The following IGSF3 variants were observed in gnomAD, a reference collection of about 807,000 sequenced individuals.
IGSF3 encodes immunoglobulin superfamily member 3, also known as glu-Trp-Ile EWI motif-containing protein 3.
Under a neutral mutation model 114.4 loss-of-function variants are expected in IGSF3, and 23 were observed. That is an observed-to-expected ratio of 0.20 (90% confidence interval 0.14 to 0.28). The LOEUF (loss-of-function observed/expected upper bound fraction) is 0.28, where lower values mean the gene tolerates loss of function less well. Among genes scored for constraint, IGSF3 ranks in the 10% least tolerant of loss-of-function variants. The pLI, the probability that IGSF3 is intolerant of heterozygous loss-of-function variation, is 1.00. For synonymous variants in IGSF3, 571 were observed against 645.2 expected (o/e 0.88, Z 1.74); for missense variants, 1,172 against 1,591.5 (o/e 0.74, Z 4.48).
At chr1:116,626,730 T>C (rs1647305046) in intron 2 of IGSF3, among the ~76,000 whole-genome samples, 1 of 152,132 alleles carries the variant, frequency 6.6e-6, no homozygotes, top group Non-Finnish European at 1.5e-5. Context: ...CTATCGCTCA[T>C]TTCTTTGACT....
At position 116,657,889 on chromosome 1, in the gene IGSF3, A is replaced by C. The variant is rs1648931200; in HGVS notation, c.43+8395T>G. On this transcript the variant is annotated intron_variant, in intron 2 of 10. Coordinates refer to ENST00000369486, the MANE Select transcript of IGSF3 (RefSeq NM_001007237.3). The surrounding 1 kb of genome is among the most constrained non-coding windows in gnomAD (Gnocchi z 4.2). ...CAAACTGCACTACATCAAAGAAAGA[A>C]CACACAACTGGTATCAGATTTTTTT... Among the ~76,000 whole-genome samples, 1 of 152,194 alleles carries C rather than the reference A, an allele frequency of 6.6e-6. No individual in the cohort carries two copies. The highest frequency in any genetic ancestry group is 2.1e-4 in the South Asian group (1 of 4,820).
In IGSF3 at chr1:116,588,212, G is replaced by A. The variant is rs1659935750; in HGVS notation, c.2440+482C>T. Among the ~76,000 whole-genome samples the A allele has an allele frequency of 2.0e-5, 3 of 152,138 alleles. No individual in the cohort carries two copies. Among genetic ancestry groups the A allele is most frequent in the Non-Finnish European group, 4.4e-5 (3 of 68,032 alleles). ...ATGGGATCAAGGAAGGGCCAGAGGA[G>A]GAATGATTCAGTTTGGAGATAGGAA... On this transcript the variant is annotated intron_variant, in intron 8 of 10. Coordinates refer to ENST00000369486, the MANE Select transcript of IGSF3 (RefSeq NM_001007237.3). This position sits in a 1 kb window ranked among gnomAD's most constrained non-coding sequence, Gnocchi z 4.9.
At chr1:116,658,380 TACAGAA>T (rs1454553965) in intron 2 of IGSF3, among the ~76,000 whole-genome samples, 1 of 152,050 alleles carries the variant, frequency 6.6e-6, no homozygotes, top group Non-Finnish European at 1.5e-5. Flanking sequence ...CTTGCTTTGG[TACAGAA>T]ACAGGCCCCC....
At position 116,598,535 on chromosome 1, in the gene IGSF3, G is replaced by A. The variant is rs1354038367; in HGVS notation, c.2029+1406C>T. On this transcript the variant is annotated intron_variant, in intron 7 of 10. Transcript: ENST00000369486. This position sits in a 1 kb window ranked among gnomAD's most constrained non-coding sequence, Gnocchi z 4.3. ...ACAGAACTCTGTTATGGGGTTAGAA[G>A]AGGTGAAGGAGAAACCCAAAGGTTA... 6.6e-6 allele frequency among the ~76,000 whole-genome samples: 1 copy of A among 152,212 alleles called. No individual in the cohort carries two copies. The highest frequency in any genetic ancestry group is 2.4e-5 in the African/African-American group (1 of 41,446).
Position 116,579,913 on chromosome 1 carries a change from G to T in IGSF3, c.2849-36C>A. 1 of 1,538,640 alleles carries T rather than the reference G, an allele frequency of 6.5e-7. No individual in the cohort carries two copies. The highest frequency in any genetic ancestry group is 8.7e-7 in the Non-Finnish European group (1 of 1,147,750). Reference sequence around the variant, plus strand: ...ACAAGGGACAAACAGGGAAGGGGTTGTTTAAATTTATTTGCTCAAAATAAA... The same window carrying T: ...ACAAGGGACAAACAGGGAAGGGGTTTTTTAAATTTATTTGCTCAAAATAAA... On this transcript the variant is annotated intron_variant, in intron 9 of 10. Transcript: ENST00000369486. The surrounding 1 kb of genome is among the most constrained non-coding windows in gnomAD (Gnocchi z 6.4).
intron 2 of IGSF3, among the ~76,000 whole-genome samples, chr1:116,630,232 T>C (rs1273623575): frequency 6.6e-6 from 1 of 152,156 alleles, no homozygotes; most frequent in Non-Finnish European, 1.5e-5. Context: ...GTTAAGGGGC[T>C]CTCCAGGCAC....
In IGSF3 at chr1:116,610,961, T is replaced by C. The variant is rs1009503913; in HGVS notation, c.833-2630A>G. On this transcript the variant is annotated intron_variant, in intron 4 of 10. Coordinates refer to ENST00000369486, the MANE Select transcript of IGSF3 (RefSeq NM_001007237.3). The surrounding 1 kb of genome is among the most constrained non-coding windows in gnomAD (Gnocchi z 4.3). ...AAAGTCCCGCATGTCCTCATTATTG[T>C]TCCTTCCCTCCCACAGTTCAAGGAA... Among the ~76,000 whole-genome samples, 1 of 152,198 alleles carries C rather than the reference T, an allele frequency of 6.6e-6. No individual in the cohort carries two copies. Among genetic ancestry groups the C allele is most frequent in the African/African-American group, 2.4e-5 (1 of 41,454 alleles).
At position 116,608,086 on chromosome 1, in the gene IGSF3, C is replaced by G. The variant is rs1249735844; in HGVS notation, c.1078G>C (p.Val360Leu). The G allele has an allele frequency of 6.2e-7, 1 of 1,613,838 alleles. No individual in the cohort carries two copies. The highest frequency in any genetic ancestry group is 8.5e-7 in the Non-Finnish European group (1 of 1,179,880). Reference sequence around the variant, plus strand: ...TGGCGGAGGTGGTAGATCTTCAGCACAAAGACACTGTCGCTCTCTTTGGCC... The same window carrying G: ...TGGCGGAGGTGGTAGATCTTCAGCAGAAAGACACTGTCGCTCTCTTTGGCC... ...KVAKESDSVF[V>L]LKIYHLRQED... Residue 360 changes from valine to leucine, a missense_variant, in exon 5 of 11, where the codon GTG becomes CTG. Val to Leu is a conservative substitution (Grantham distance 32, BLOSUM62 1). Coordinates refer to ENST00000369486, the MANE Select transcript of IGSF3 (RefSeq NM_001007237.3).
At chr1:116,656,415 C>A (rs758537078) in intron 2 of IGSF3, among the ~76,000 whole-genome samples, 1 of 148,944 alleles carries the variant, frequency 6.7e-6, no homozygotes, top group Non-Finnish European at 1.5e-5. Context: ...ATTCTCCTGC[C>A]TCCGCCTCCC....
intron 2 of IGSF3, among the ~76,000 whole-genome samples, chr1:116,622,571 T>C (rs186529049): frequency 1.2e-4 from 18 of 152,322 alleles, no homozygotes; most frequent in African/African-American, 3.8e-4. Flanking sequence ...TCCTCTCCTA[T>C]TTTTCTCAAT....
At chr1:116,645,547 T>G (rs1027290335) in intron 2 of IGSF3, among the ~76,000 whole-genome samples, 1 of 152,232 alleles carries the variant, frequency 6.6e-6, no homozygotes, top group African/African-American at 2.4e-5. Flanking sequence ...CTAGGTTCCT[T>G]TTCCTTATCT....
rs1466001552 is a variant in IGSF3, at chr1:116,577,973, ATT to A, written c.3335-413_3335-412del. Among the ~76,000 whole-genome samples, 1 of 152,132 alleles carries A rather than the reference ATT, an allele frequency of 6.6e-6. No homozygotes were observed. Among genetic ancestry groups the A allele is most frequent in the African/African-American group, 2.4e-5 (1 of 41,418 alleles). On this transcript the variant is annotated intron_variant, in intron 10 of 10. Coordinates refer to ENST00000369486, the MANE Select transcript of IGSF3 (RefSeq NM_001007237.3). The surrounding 1 kb of genome is among the most constrained non-coding windows in gnomAD (Gnocchi z 5.7). ...TCTGCTACAGACTTCCTTCTCTGGG[ATT>A]ATGACACAATCCCTTCCTGCCAGCT...
Position 116,593,598 on chromosome 1 carries a change from C to T in IGSF3, c.2030-4494G>A, listed in dbSNP as rs1660214053. Among the ~76,000 whole-genome samples, 1 of 152,192 alleles carries T rather than the reference C, an allele frequency of 6.6e-6. No homozygotes were observed. The highest frequency in any genetic ancestry group is 1.5e-5 in the Non-Finnish European group (1 of 68,038). ...TACCCCTGAGTCCCTCTGTCCTTAA[C>T]ACCCCTTGGCTCCCTGCTCTCTCCA... On this transcript the variant is annotated intron_variant, in intron 7 of 10. Coordinates refer to ENST00000369486, the MANE Select transcript of IGSF3 (RefSeq NM_001007237.3). The surrounding 1 kb of genome is among the most constrained non-coding windows in gnomAD (Gnocchi z 4.5).
chr1:116,619,322 G>A (rs1335307669), intron 2 of IGSF3, among the ~76,000 whole-genome samples: 5 of 152,230 alleles, frequency 3.3e-5, no homozygotes, highest in East Asian at 1.9e-4. Flanking sequence ...CTCGGCCAGC[G>A]GATCATGCAC....
At chr1:116,631,317 C>CAAAA (rs939848949) in intron 2 of IGSF3, among the ~76,000 whole-genome samples, 2 of 46,084 alleles carry the variant, frequency 4.3e-5, no homozygotes, top group African/African-American at 6.4e-5. Flanking sequence ...GACGCTGTCT[C>CAAAA]AAAAAAAAAA....
rs185132003 is a variant in IGSF3 at position 116,621,131 on chromosome 1, C to A, written c.44-4674G>T. On this transcript the variant is annotated intron_variant, in intron 2 of 10. Coordinates refer to ENST00000369486, the MANE Select transcript of IGSF3 (RefSeq NM_001007237.3). The stretch of plus-strand genomic sequence containing the variant: ...GTTTAAAAGTGTGTGGCACCTCCCC[C>A]CTCTCTCTCTTGCTCCTGCTTTGGC... 4.9e-4 allele frequency among the ~76,000 whole-genome samples: 74 copies of A among 152,084 alleles called. 1 individual carries two copies. Among genetic ancestry groups the A allele is most frequent in the African/African-American group, 1.7e-3 (69 of 41,488 alleles).
At position 116,608,406 on chromosome 1, in the gene IGSF3, T is replaced by G. The variant is rs551883942; in HGVS notation, c.833-75A>C. 3.5e-5 allele frequency: 34 copies of G among 973,850 alleles called. 1 individual carries two copies. The highest frequency in any genetic ancestry group is 1.9e-4 in the Admixed American group (8 of 42,200). 60.3% of individuals were successfully genotyped at this position (973,850 alleles called of 1,614,324 possible). A position where few individuals can be genotyped will look rare whatever the true frequency, so the allele number is the denominator to read the frequency against. On this transcript the variant is annotated intron_variant, in intron 4 of 10. Transcript: ENST00000369486. ...CAGCCAACTAAACCACATTAGCACA[T>G]TCCCACTATCCTTCCTCTTCTTTAC...
Position 116,585,137 on chromosome 1 carries a change from C to A in IGSF3, c.2441-85G>T. 1 of 1,040,248 alleles carries A rather than the reference C, an allele frequency of 9.6e-7. No homozygotes were observed. The highest frequency in any genetic ancestry group is 1.4e-6 in the Non-Finnish European group (1 of 724,938). The allele number at this position is 1,040,248 out of a possible 1,614,324, so 64.4% of individuals were successfully genotyped here. On this transcript the variant is annotated intron_variant, in intron 8 of 10. Transcript: ENST00000369486. This position sits in a 1 kb window ranked among gnomAD's most constrained non-coding sequence, Gnocchi z 4.9. Reference sequence around the variant, plus strand: ...CTTTCCCAGGGTAGGTGAATGGATGCCTTCCAAATACAGAAGGACGGCAGC... The same window carrying A: ...CTTTCCCAGGGTAGGTGAATGGATGACTTCCAAATACAGAAGGACGGCAGC...
chr1:116,600,090 T>C lies in IGSF3; in HGVS notation c.1880A>G (p.Asn627Ser), dbSNP rs1660511030. ...GGCTCGGCTGATGCTTAGGCGGACGTTGTTGCTGGACTCAGCCTTCTCGAT... is the reference window on the plus strand; with the variant it reads ...GGCTCGGCTGATGCTTAGGCGGACGCTGTTGCTGGACTCAGCCTTCTCGAT... ...TAIEKAESSN[N>S]VRLSISRASD... The change falls in exon 7 of 11, where the codon AAC (asparagine) becomes AGC (serine). Residue 627 changes from asparagine (N) to serine (S), a missense_variant. Around this residue, in one of 3 missense-constraint regions of IGSF3, gnomAD observed 736 missense variants for 1,042.0 expected, o/e 0.71. Coordinates refer to ENST00000369486, the MANE Select transcript of IGSF3 (RefSeq NM_001007237.3). The surrounding 1 kb of genome is among the most constrained non-coding windows in gnomAD (Gnocchi z 5.5). The C allele has an allele frequency of 6.2e-7, 1 of 1,614,090 alleles. No individual in the cohort carries two copies. The highest frequency in any genetic ancestry group is 8.5e-7 in the Non-Finnish European group (1 of 1,180,012).
Sources: allele counts gnomAD v4.1 joint callset (sites outside exome capture counted in the v4.1 genomes callset), GRCh38; gene constraint gnomAD v4.1.1; regional missense constraint gnomAD v4.1.1; non-coding constraint Gnocchi (gnomAD v3.1); transcripts MANE v1.5; gene names NCBI Gene and HGNC (gene_info 2026-07-23, HGNC 2026-07-21).